CPA6: variants seen among roughly 807,000 people sequenced by gnomAD.
CPA6 encodes the protein carboxypeptidase B.
Under a neutral mutation model 63.3 loss-of-function variants are expected in CPA6, and 58 were observed. That is an observed-to-expected ratio of 0.92 (90% CI 0.74 to 1.14). The LOEUF (loss-of-function observed/expected upper bound fraction) is 1.14. Among genes scored for constraint, CPA6 ranks in the 50% most tolerant of loss-of-function variants. The pLI is 0.00. For missense variants in CPA6, 565 were observed against 526.6 expected (o/e 1.07, Z -0.71); for synonymous variants, 185 against 179.0 (o/e 1.03, Z -0.27).
intron 10 of CPA6, among the ~76,000 whole-genome samples, chr8:67,426,733 T>C (rs1225561939): frequency 6.6e-6 from 1 of 152,200 alleles, no homozygotes; most frequent in African/African-American, 2.4e-5. Flanking sequence ...TACCTACACA[T>C]ATACATACAA....
chr8:67,573,376 T>G (rs1220168069), intron 2 of CPA6, among the ~76,000 whole-genome samples: 1 of 152,174 alleles, frequency 6.6e-6, no homozygotes, highest in Non-Finnish European at 1.5e-5. Flanking sequence ...GAAAATCCTA[T>G]AGATTCCACC....
At chr8:67,583,723 G>A (rs1813839536) in intron 2 of CPA6, among the ~76,000 whole-genome samples, 1 of 152,150 alleles carries the variant, frequency 6.6e-6, no homozygotes, top group Non-Finnish European at 1.5e-5. Flanking sequence ...GCTAGCGATT[G>A]TTAGGCGCTT....
intron 1 of CPA6, among the ~76,000 whole-genome samples, chr8:67,632,962 C>T (rs1222213131): frequency 6.6e-6 from 1 of 152,170 alleles, no homozygotes; most frequent in Non-Finnish European, 1.5e-5. Flanking sequence ...TTTTCATTTA[C>T]TGTGTCCTTA....
At chr8:67,582,901 G>T (rs1477254280) in intron 2 of CPA6, among the ~76,000 whole-genome samples, 7 of 152,134 alleles carry the variant, frequency 4.6e-5, no homozygotes, top group Non-Finnish European at 2.9e-5. Context: ...TTGTGGTATT[G>T]TGTTGAATTT....
At chr8:67,545,059 T>A (rs183619522) in intron 2 of CPA6, among the ~76,000 whole-genome samples, 131 of 152,328 alleles carry the variant, frequency 8.6e-4, no homozygotes, top group Non-Finnish European at 1.5e-3. Context: ...AAATTTTAAT[T>A]TAATTAATGA....
chr8:67,590,882 T>C (rs934468646), intron 2 of CPA6, among the ~76,000 whole-genome samples: 2 of 152,206 alleles, frequency 1.3e-5, no homozygotes, highest in African/African-American at 4.8e-5. Context: ...AGAAGCTCTT[T>C]AGTTTAATTA....
At chr8:67,423,641 G>T (rs1587408515) in intron 10 of CPA6, among the ~76,000 whole-genome samples, 1 of 152,112 alleles carries the variant, frequency 6.6e-6, no homozygotes, top group East Asian at 1.9e-4. Flanking sequence ...ACTAGGTGAG[G>T]GAGCTAGAGA....
intron 3 of CPA6, among the ~76,000 whole-genome samples, chr8:67,512,233 T>C (rs1291107798): frequency 6.6e-6 from 1 of 152,214 alleles, no homozygotes. Context: ...TTCTCTTCCA[T>C]GCCCTTACCA....
intron 2 of CPA6, among the ~76,000 whole-genome samples, chr8:67,552,403 G>A (rs1812958531): frequency 6.6e-6 from 1 of 152,108 alleles, no homozygotes; most frequent in African/African-American, 2.4e-5. Context: ...CTGAGTATAG[G>A]TGCTCAATAT....
At chr8:67,698,457 C>A (rs1378785548) in intron 1 of CPA6, among the ~76,000 whole-genome samples, 2 of 152,252 alleles carry the variant, frequency 1.3e-5, no homozygotes, top group Non-Finnish European at 2.9e-5. Context: ...CAATTGGGAT[C>A]CTCCAATGTG....
chr8:67,538,286 G>A (rs1191550110), intron 2 of CPA6, among the ~76,000 whole-genome samples: 2 of 152,258 alleles, frequency 1.3e-5, no homozygotes, highest in African/African-American at 4.8e-5. Flanking sequence ...ACAGTGGGGT[G>A]TTAAAGTCTC....
chr8:67,735,685 T>G (rs1357516386), intron 1 of CPA6: 1 of 151,724 alleles, frequency 6.6e-6, no homozygotes, highest in African/African-American at 2.4e-5. Flanking sequence ...GTCTTTTTTT[T>G]TTTTTCTTTC....
At chr8:67,658,264 T>C (rs1264715300) in intron 1 of CPA6, among the ~76,000 whole-genome samples, 1 of 152,258 alleles carries the variant, frequency 6.6e-6, no homozygotes, top group Non-Finnish European at 1.5e-5. Context: ...TGTATTGTGC[T>C]GATTGTAATG....
rs916899730 is a variant in CPA6 at position 67,597,609 on chromosome 8, T to C, written c.192+26567A>G. On this transcript the variant is annotated intron_variant, in intron 2 of 10. Transcript: ENST00000297770. ...CATTTCTGTCTTTAGCTGTGTCTAATGTGCTGTTAAACCTATCCACTGAGT... is the reference window on the plus strand; with the variant it reads ...CATTTCTGTCTTTAGCTGTGTCTAACGTGCTGTTAAACCTATCCACTGAGT... Among the ~76,000 whole-genome samples the C allele has an allele frequency of 6.6e-5, 10 of 152,364 alleles. No homozygotes were observed. The East Asian group carries it at 1.7e-3, about 26-fold the overall frequency.
chr8:67,516,902 T>C (rs1426732251), intron 3 of CPA6, among the ~76,000 whole-genome samples: 2 of 152,094 alleles, frequency 1.3e-5, no homozygotes, highest in East Asian at 1.9e-4. Context: ...GTTCAAGTGA[T>C]TCTTCTGCCT....
chr8:67,663,776 A>G (rs1433367821), intron 1 of CPA6, among the ~76,000 whole-genome samples: 2 of 152,098 alleles, frequency 1.3e-5, no homozygotes, highest in Non-Finnish European at 1.5e-5. Flanking sequence ...TCTATCATTG[A>G]TGGGCATTTG....
chr8:67,704,314 T>A (rs1040774515), intron 1 of CPA6, among the ~76,000 whole-genome samples: 1 of 152,164 alleles, frequency 6.6e-6, no homozygotes, highest in African/African-American at 2.4e-5. Context: ...TTCAAGGTCA[T>A]ATTTGAAGGG....
intron 2 of CPA6, among the ~76,000 whole-genome samples, chr8:67,614,469 C>T (rs1462892167): frequency 6.6e-6 from 1 of 152,108 alleles, no homozygotes; most frequent in African/African-American, 2.4e-5. Flanking sequence ...TTTAAAGAAA[C>T]CAGATGGTCT....
chr8:67,624,377 C>T (rs1291199607), intron 1 of CPA6, 126 bp from the exon 2 acceptor site: 2 of 533,034 alleles, frequency 3.8e-6, no homozygotes, highest in Non-Finnish European at 6.6e-6. Flanking sequence ...TTTCACTGGC[C>T]CAGTAAGTAT....
Sources: allele counts gnomAD v4.1 joint callset (sites outside exome capture counted in the v4.1 genomes callset), GRCh38; gene constraint gnomAD v4.1.1; transcripts MANE v1.5; gene names NCBI Gene and HGNC (gene_info 2026-07-23, HGNC 2026-07-21).